CFAP53: variants seen among roughly 807,000 people sequenced by gnomAD.
CFAP53 encodes cilia- and flagella-associated protein 53.
CFAP53 carries 62 observed loss-of-function variants against 59.7 expected under a neutral mutation model. The observed-to-expected ratio is 1.04, with a 90% CI of 0.85 to 1.28. The LOEUF is 1.28. CFAP53 is among the 50% of genes most tolerant of loss of function. The pLI is 0.00. For missense variants in CFAP53, 629 were observed against 615.6 expected (o/e 1.02, Z -0.23); for synonymous variants, 218 against 205.7 (o/e 1.06, Z -0.51).
At chr18:50,259,907 T>C (rs1568159402) in intron 3 of CFAP53, among the ~76,000 whole-genome samples, 3 of 152,214 alleles carry the variant, frequency 2.0e-5, no homozygotes, top group South Asian at 2.1e-4. Context: ...ACTGAAAATA[T>C]AACTGAGGAA....
In CFAP53 at chr18:50,255,869, C is replaced by CG. The variant is rs1555672627; in HGVS notation, c.474-4086_474-4085insC. Among the ~76,000 whole-genome samples, 24 of 146,116 alleles carry CG rather than the reference C, an allele frequency of 1.6e-4. No homozygotes were observed. In the South Asian group the frequency reaches 5.0e-3, roughly 30 times the overall value. On this transcript the variant is annotated intron_variant, in intron 3 of 7. Transcript: ENST00000398545. ...TGTGGTATATTTATACAATGGAATA[C>CG]AAAAAAAAAAAGAGGAAAATTTTCA...
chr18:50,257,208 A>T (rs991308257), intron 3 of CFAP53, among the ~76,000 whole-genome samples: 1 of 152,110 alleles, frequency 6.6e-6, no homozygotes, highest in African/African-American at 2.4e-5. Flanking sequence ...GATGTATCTG[A>T]AAAAAGGGGC....
At chr18:50,234,172 T>C (rs1323230033) in intron 7 of CFAP53, among the ~76,000 whole-genome samples, 1 of 152,230 alleles carries the variant, frequency 6.6e-6, no homozygotes, top group Non-Finnish European at 1.5e-5. Context: ...ACAAGTTCAC[T>C]GTGTACCTCT....
chr18:50,230,637 G>A (rs2033573958), intron 7 of CFAP53, among the ~76,000 whole-genome samples: 1 of 152,192 alleles, frequency 6.6e-6, no homozygotes, highest in Non-Finnish European at 1.5e-5. Flanking sequence ...TGATCAGAAG[G>A]TGGTCTGGGA....
intron 1 of CFAP53, among the ~76,000 whole-genome samples, chr18:50,263,819 G>A (rs1452173623): frequency 6.6e-6 from 1 of 152,154 alleles, no homozygotes; most frequent in Non-Finnish European, 1.5e-5. Context: ...CTGAAGAGGT[G>A]ACAAATACCA....
rs928027339 is a variant in CFAP53 at position 50,262,215 on chromosome 18, G to A, written c.74C>T (p.Ser25Phe). The A allele has an allele frequency of 1.2e-6, 2 of 1,611,372 alleles. No homozygotes were observed. The highest frequency in any genetic ancestry group is 2.7e-5 in the African/African-American group (2 of 74,856). ...GPTPKVVIVR[S>F]KPPKGQGAEH... Reference sequence around the variant, plus strand: ...AGCTCCTTGGCCTTTAGGAGGCTTGGATCTCTGAAAACAAAAACCAACTAT... The same window carrying A: ...AGCTCCTTGGCCTTTAGGAGGCTTGAATCTCTGAAAACAAAAACCAACTAT... The change falls in exon 2 of 8, where the codon TCC becomes TTC. Residue 25 changes from serine (S) to phenylalanine (F), a missense_variant. Physicochemically the swap from Ser to Phe is radical, Grantham distance 155 (BLOSUM62 -2). Coordinates refer to ENST00000398545, the MANE Select transcript of CFAP53 (RefSeq NM_145020.5).
rs1428569897 is a variant in CFAP53, at chr18:50,251,725, TCA to T, written c.531_532del (p.Cys177Ter). ...AAATGCAATCTGTGCTTTCCGCTCCTCACACACCTTCTTCTGATGGATAGATA... is the reference window on the plus strand; with the variant it reads ...AAATGCAATCTGTGCTTTCCGCTCCTCACACCTTCTTCTGATGGATAGATA... On this transcript the variant is annotated stop_gained and frameshift_variant, in exon 4 of 8. Coordinates refer to ENST00000398545, the MANE Select transcript of CFAP53 (RefSeq NM_145020.5). LOFTEE classifies it high-confidence loss of function. 1.7e-5 allele frequency: 28 copies of T among 1,614,112 alleles called. No homozygotes were observed. Among genetic ancestry groups the T allele is most frequent in the Non-Finnish European group, 2.3e-5 (27 of 1,180,040 alleles).
intron 7 of CFAP53, 79 bp from the exon 8 acceptor site, chr18:50,227,688 T>C (rs1283954708): frequency 8.8e-7 from 1 of 1,130,144 alleles, no homozygotes; most frequent in Non-Finnish European, 1.3e-6. Context: ...AATTAAAATA[T>C]AATTTGTAAA....
At chr18:50,264,339 G>A (rs190890779) in intron 1 of CFAP53, among the ~76,000 whole-genome samples, 33 of 152,260 alleles carry the variant, frequency 2.2e-4, no homozygotes, top group Admixed American at 1.4e-3. Context: ...TTTACAGTTC[G>A]GTTGTCTTAA....
At chr18:50,254,364 A>G (rs1009679013) in intron 3 of CFAP53, among the ~76,000 whole-genome samples, 3 of 152,208 alleles carry the variant, frequency 2.0e-5, no homozygotes, top group African/African-American at 7.2e-5. Context: ...AGCACATGAA[A>G]AGTTGCTCAA....
chr18:50,236,806 G>A (rs2033638525), intron 7 of CFAP53, among the ~76,000 whole-genome samples: 1 of 152,176 alleles, frequency 6.6e-6, no homozygotes, highest in South Asian at 2.1e-4. Context: ...CTACCTAGGT[G>A]AGCCGTGTTG....
intron 7 of CFAP53, among the ~76,000 whole-genome samples, chr18:50,232,804 C>G (rs531708725): frequency 6.6e-6 from 1 of 152,348 alleles, no homozygotes; most frequent in African/African-American, 2.4e-5. Context: ...GGGGTACTGA[C>G]CTTGCACTGT....
chr18:50,261,864 A>C, intron 2 of CFAP53, 126 bp downstream of exon 2: 1 of 623,478 alleles, frequency 1.6e-6, no homozygotes, highest in East Asian at 2.8e-5. Flanking sequence ...TTAACCAGCA[A>C]TAGCTATGGA....
At chr18:50,257,945 G>C (rs1413992151) in intron 3 of CFAP53, among the ~76,000 whole-genome samples, 1 of 152,138 alleles carries the variant, frequency 6.6e-6, no homozygotes, top group African/African-American at 2.4e-5. Context: ...CAGGAGAACT[G>C]CTTGAACCTA....
At chr18:50,234,728 T>C (rs1439882487) in intron 7 of CFAP53, among the ~76,000 whole-genome samples, 1 of 152,214 alleles carries the variant, frequency 6.6e-6, no homozygotes, top group Non-Finnish European at 1.5e-5. Flanking sequence ...AAGTTCCAAA[T>C]TTGTGATCCT....
At position 50,262,169 on chromosome 18, in the gene CFAP53, G is replaced by T. The variant is rs1487084300; in HGVS notation, c.120C>A (p.Ile40=). 7 of 1,614,180 alleles carry T rather than the reference G, an allele frequency of 4.3e-6. No homozygotes were observed. The highest frequency in any genetic ancestry group is 5.9e-6 in the Non-Finnish European group (7 of 1,180,032). The part of the protein sequence containing the change: ...GQGAEHHLER[I]RRSHQKHNAI... ...CATTATGCTTCTGATGGCTGCGTCG[G>T]ATTCTTTCTAGATGGTGCTCAGCTC... The change falls in exon 2 of 8, where the codon ATC becomes ATA. Residue 40 remains isoleucine (I), a synonymous_variant. Coordinates refer to ENST00000398545, the MANE Select transcript of CFAP53 (RefSeq NM_145020.5).
At chr18:50,261,876 T>C in intron 2 of CFAP53, 114 bp downstream of exon 2, 1 of 703,228 alleles carries the variant, frequency 1.4e-6, no homozygotes, top group Non-Finnish European at 2.4e-6. Flanking sequence ...AGCTATGGAT[T>C]TAATATAAAC....
rs768844786 is a variant in CFAP53, at chr18:50,227,633, C to G, written c.1317-24G>C. 4 of 1,520,450 alleles carry G rather than the reference C, an allele frequency of 2.6e-6. No individual in the cohort carries two copies. The South Asian group carries it at 4.5e-5, about 17-fold the overall frequency. 94.2% of individuals were successfully genotyped at this position (1,520,450 alleles called of 1,614,324 possible). On this transcript the variant is annotated intron_variant, in intron 7 of 7. Coordinates refer to ENST00000398545, the MANE Select transcript of CFAP53 (RefSeq NM_145020.5). ...GTCTAAAGTATTAGAAATGTCAAAG[C>G]ATAAAATTATAAAAGTAAGCATTTA...
chr18:50,248,922 T>C (rs2033771203), intron 5 of CFAP53, among the ~76,000 whole-genome samples: 1 of 151,918 alleles, frequency 6.6e-6, no homozygotes, highest in Non-Finnish European at 1.5e-5. Context: ...AAACAAACTG[T>C]GGTAAATCTA....
Sources: allele counts gnomAD v4.1 joint callset (sites outside exome capture counted in the v4.1 genomes callset), GRCh38; gene constraint gnomAD v4.1.1; transcripts MANE v1.5; gene names NCBI Gene and HGNC (gene_info 2026-07-23, HGNC 2026-07-21).